WDR25: variants seen among roughly 807,000 people sequenced by gnomAD.
The protein encoded by WDR25 is WD repeat-containing protein 25.
In WDR25, 35 loss-of-function variants were observed where a neutral mutation model predicts 47.7. That is an observed-to-expected ratio of 0.73 (90% CI 0.56 to 0.97). WDR25 has a LOEUF of 0.97. Among genes scored for constraint, WDR25 ranks in the 50% least tolerant of loss-of-function variants. WDR25 has a pLI of 0.00. For synonymous variants in WDR25, 248 were observed against 278.9 expected, an observed-to-expected ratio of 0.89 and a Z score of 1.10; for missense variants, 634 against 704.7, an observed-to-expected ratio of 0.90 and a Z score of 1.14.
chr14:100,432,892 G>C (rs1487683762), intron 2 of WDR25, among the ~76,000 whole-genome samples: 1 of 152,210 alleles, frequency 6.6e-6, no homozygotes, highest in Non-Finnish European at 1.5e-5. Context: ...AGGCTATATG[G>C]TATAACCCAT....
chr14:100,516,285 G>A (rs547246035), intron 4 of WDR25, among the ~76,000 whole-genome samples: 11 of 152,292 alleles, frequency 7.2e-5, no homozygotes, highest in African/African-American at 2.4e-4. Context: ...AATGCCATGT[G>A]TATTTCAAGG....
At chr14:100,512,981 AT>A (rs1217021763) in intron 4 of WDR25, among the ~76,000 whole-genome samples, 3 of 152,030 alleles carry the variant, frequency 2.0e-5, no homozygotes, top group Non-Finnish European at 4.4e-5. Flanking sequence ...ATTTATTTAG[AT>A]TTTTTTGATG....
chr14:100,508,980 T>C (rs1901210684), intron 4 of WDR25, among the ~76,000 whole-genome samples: 1 of 152,188 alleles, frequency 6.6e-6, no homozygotes, highest in African/African-American at 2.4e-5. Flanking sequence ...TTCAAGTTGC[T>C]AATAATTTGT....
In WDR25 at chr14:100,500,446, C is replaced by T. The variant is rs148697524; in HGVS notation, c.1101+16322C>T. ...TGGGGATGGTCAGATGGAGGCATGC[C>T]GGGCACGGGGCATTCTCTGTGGCCC... On this transcript the variant is annotated intron_variant, in intron 4 of 6. Coordinates refer to ENST00000402312, the MANE Select transcript of WDR25 (RefSeq NM_001161476.3). The surrounding 1 kb of genome is among the most constrained non-coding windows in gnomAD (Gnocchi z 4.7). 5.7e-4 allele frequency among the ~76,000 whole-genome samples: 87 copies of T among 152,234 alleles called. 1 individual carries two copies. In the East Asian group the frequency reaches 0.013, roughly 22 times the overall value.
intron 4 of WDR25, among the ~76,000 whole-genome samples, chr14:100,516,282 T>C (rs1416818791): frequency 1.3e-5 from 2 of 152,184 alleles, no homozygotes; most frequent in Non-Finnish European, 2.9e-5. Flanking sequence ...TCCAATGCCA[T>C]GTGTATTTCA....
intron 2 of WDR25, among the ~76,000 whole-genome samples, chr14:100,463,520 G>A (rs1022121961): frequency 6.6e-6 from 1 of 152,074 alleles, no homozygotes; most frequent in Admixed American, 6.5e-5. Context: ...AAACTTGGAG[G>A]CCTGGGGCTG....
intron 1 of WDR25, 38 bp from the exon 2 acceptor site, chr14:100,380,872 A>G: frequency 6.4e-7 from 1 of 1,551,340 alleles, no homozygotes; most frequent in Non-Finnish European, 8.8e-7. Flanking sequence ...ATATTCTTCC[A>G]TGCACATTTT....
chr14:100,426,920 G>A (rs766319385), intron 2 of WDR25, among the ~76,000 whole-genome samples: 27 of 152,158 alleles, frequency 1.8e-4, no homozygotes, highest in Non-Finnish European at 3.5e-4. Flanking sequence ...TTACTTGTGT[G>A]GTGGTTTCTC....
In WDR25 at chr14:100,492,685, A is replaced by AT. The variant is rs748126090; in HGVS notation, c.1101+8570dup. Among the ~76,000 whole-genome samples the AT allele has an allele frequency of 2.7e-3, 401 of 148,712 alleles. 3 individuals carry two copies. The highest frequency in any genetic ancestry group is 3.2e-3 in the Non-Finnish European group (219 of 67,818). On this transcript the variant is annotated intron_variant, in intron 4 of 6. Transcript: ENST00000402312. ...TCTTAAGGTTTTTAAAAATTTATTT[A>AT]TTTTTTTTTACTATTGATTTACAAT...
At chr14:100,479,949 G>C (rs753955292) in intron 3 of WDR25, among the ~76,000 whole-genome samples, 3 of 152,126 alleles carry the variant, frequency 2.0e-5, no homozygotes, top group African/African-American at 4.8e-5. Flanking sequence ...TCTGAGGTGG[G>C]ACAGTTTCAT....
intron 2 of WDR25, among the ~76,000 whole-genome samples, chr14:100,434,274 T>G (rs1441304740): frequency 6.6e-6 from 1 of 152,180 alleles, no homozygotes; most frequent in Non-Finnish European, 1.5e-5. Context: ...CTAATCCTGA[T>G]CTAGTGCTGT....
At chr14:100,385,015 C>T (rs1896987364) in intron 2 of WDR25, among the ~76,000 whole-genome samples, 1 of 152,188 alleles carries the variant, frequency 6.6e-6, no homozygotes, top group Non-Finnish European at 1.5e-5. Context: ...TGTGAATCAC[C>T]AAGTGCAATG....
At chr14:100,452,344 T>C (rs1899063518) in intron 2 of WDR25, among the ~76,000 whole-genome samples, 2 of 152,142 alleles carry the variant, frequency 1.3e-5, no homozygotes, top group South Asian at 4.1e-4. Flanking sequence ...CTTACCCCCA[T>C]GGAACTTACA....
intron 2 of WDR25, among the ~76,000 whole-genome samples, chr14:100,438,646 G>C (rs1898573772): frequency 6.6e-6 from 1 of 152,202 alleles, no homozygotes; most frequent in Admixed American, 6.5e-5. Context: ...GCAAACCTGG[G>C]AGGTGGGATT....
chr14:100,519,841 T>C (rs1901648552), intron 4 of WDR25, among the ~76,000 whole-genome samples: 1 of 134,748 alleles, frequency 7.4e-6, no homozygotes, highest in African/African-American at 3.1e-5. Context: ...ATAGTATATA[T>C]ACTATATATG....
chr14:100,501,932 C>T (rs1185740296), intron 4 of WDR25, among the ~76,000 whole-genome samples: 1 of 152,154 alleles, frequency 6.6e-6, no homozygotes, highest in Admixed American at 6.5e-5. Context: ...CTGCCTGGAG[C>T]TGTGCAGCAG....
chr14:100,529,455 TG>T lies in WDR25; in HGVS notation c.1413+253del. 2 of 624,812 alleles carry T rather than the reference TG, an allele frequency of 3.2e-6. No individual in the cohort carries two copies. The highest frequency in any genetic ancestry group is 5.5e-6 in the Non-Finnish European group (2 of 361,754). 38.7% of individuals were successfully genotyped at this position (624,812 alleles called of 1,614,324 possible). On this transcript the variant is annotated intron_variant, in intron 6 of 6. Transcript: ENST00000402312. This position sits in a 1 kb window ranked among gnomAD's most constrained non-coding sequence, Gnocchi z 5.1. ...GGCTCACACAGACAGGTCTCAGAAG[TG>T]GGGGGCAGGAACAGGACAAAATGGT...
intron 4 of WDR25, among the ~76,000 whole-genome samples, chr14:100,512,091 G>C (rs1901329527): frequency 6.6e-6 from 1 of 152,066 alleles, no homozygotes; most frequent in Admixed American, 6.5e-5. Flanking sequence ...TATGGGTTTG[G>C]TATCAGGGTA....
intron 2 of WDR25, among the ~76,000 whole-genome samples, chr14:100,458,142 T>C (rs908791837): frequency 1.3e-5 from 2 of 152,116 alleles, no homozygotes; most frequent in Non-Finnish European, 2.9e-5. Context: ...ACTCAGTGCC[T>C]ATAAGAAACC....
Sources: gnomAD v4.1 joint callset for allele counts (sites outside exome capture counted in the v4.1 genomes callset) on GRCh38, gnomAD v4.1.1 for gene constraint, Gnocchi (gnomAD v3.1) non-coding constraint, MANE v1.5 for transcripts, NCBI Gene and HGNC (gene_info 2026-07-23, HGNC 2026-07-21) for gene names.